LDB2: variants seen among roughly 807,000 people sequenced by gnomAD.
The protein encoded by LDB2 is LIM domain binding 2.
LDB2 carries 12 observed loss-of-function variants against 44.3 expected under a neutral mutation model. The ratio of observed to expected loss-of-function variants is 0.27; its 90% CI spans 0.17 to 0.44. The LOEUF (loss-of-function observed/expected upper bound fraction) is 0.44, where lower values mean the gene tolerates loss of function less well. Among genes scored for constraint, LDB2 ranks in the 20% least tolerant of loss-of-function variants. The pLI is 1.00. For synonymous variants in LDB2, 164 were observed against 174.8 expected, an observed-to-expected ratio of 0.94 and a Z score of 0.49; for missense variants, 344 against 473.5, an observed-to-expected ratio of 0.73 and a Z score of 2.54.
chr4:16,796,586 A>G (rs554960923), intron 1 of LDB2, among the ~76,000 whole-genome samples: 5 of 152,272 alleles, frequency 3.3e-5, no homozygotes, highest in African/African-American at 1.2e-4. Context: ...TTGCAAGGAG[A>G]TGGAGCCTCC....
At chr4:16,592,683 A>AT (rs1719554545) in intron 3 of LDB2, among the ~76,000 whole-genome samples, 1 of 151,970 alleles carries the variant, frequency 6.6e-6, no homozygotes. Context: ...GTGCATTTCC[A>AT]TGGTACTTCT....
At chr4:16,737,086 G>A (rs1407926994) in intron 2 of LDB2, among the ~76,000 whole-genome samples, 5 of 152,156 alleles carry the variant, frequency 3.3e-5, no homozygotes, top group South Asian at 4.1e-4. Context: ...AACTGCTGCT[G>A]CTAAGAGTAA....
chr4:16,872,040 T>TA (rs1220852475), intron 1 of LDB2, among the ~76,000 whole-genome samples: 1 of 152,146 alleles, frequency 6.6e-6, no homozygotes, highest in Non-Finnish European at 1.5e-5. Context: ...GAATTTATAA[T>TA]AAAAAATATT....
At chr4:16,581,292 G>A (rs545854236) in intron 5 of LDB2, 1 of 389,340 alleles carries the variant, frequency 2.6e-6, no homozygotes, top group South Asian at 1.0e-4. Flanking sequence ...GAAAATGAAG[G>A]CTCAGAGAGG....
At chr4:16,632,859 C>A (rs541778544) in intron 2 of LDB2, among the ~76,000 whole-genome samples, 127 of 152,258 alleles carry the variant, frequency 8.3e-4, no homozygotes, top group African/African-American at 2.7e-3. Context: ...TTAGTTCGAC[C>A]ATTGTGGAAG....
chr4:16,555,607 C>A (rs1560459452), intron 5 of LDB2, among the ~76,000 whole-genome samples: 1 of 152,170 alleles, frequency 6.6e-6, no homozygotes, highest in Non-Finnish European at 1.5e-5. Context: ...CCCTTTCTCT[C>A]CTTTCTTGAA....
intron 1 of LDB2, among the ~76,000 whole-genome samples, chr4:16,877,534 G>A (rs1029686414): frequency 6.6e-6 from 1 of 152,182 alleles, no homozygotes; most frequent in African/African-American, 2.4e-5. Flanking sequence ...CAATACTTTT[G>A]AAGGTATTCT....
intron 1 of LDB2, among the ~76,000 whole-genome samples, chr4:16,828,193 C>T (rs778217294): frequency 4.6e-5 from 7 of 152,166 alleles, no homozygotes; most frequent in East Asian, 3.9e-4. Context: ...GGCAAACCAT[C>T]GTCTTAGGAT....
intron 2 of LDB2, among the ~76,000 whole-genome samples, chr4:16,738,088 A>G (rs949448976): frequency 1.3e-5 from 2 of 152,220 alleles, no homozygotes; most frequent in African/African-American, 4.8e-5. Flanking sequence ...AAATAAAGTG[A>G]CAGGTATAGA....
chr4:16,524,926 G>T (rs1727663335), intron 5 of LDB2, among the ~76,000 whole-genome samples: 1 of 152,174 alleles, frequency 6.6e-6, no homozygotes, highest in Non-Finnish European at 1.5e-5. Context: ...TCTTCCCAGG[G>T]ACCTGAGAGA....
intron 1 of LDB2, among the ~76,000 whole-genome samples, chr4:16,856,140 C>A (rs971079653): frequency 6.6e-6 from 1 of 152,106 alleles, no homozygotes; most frequent in Non-Finnish European, 1.5e-5. Context: ...ATATGAAAAT[C>A]CATCCACCCT....
chr4:16,568,649 C>A (rs1285940320), intron 5 of LDB2, among the ~76,000 whole-genome samples: 1 of 152,162 alleles, frequency 6.6e-6, no homozygotes, highest in Non-Finnish European at 1.5e-5. Flanking sequence ...CCCACGAACA[C>A]CCAAATCTGT....
chr4:16,545,106 G>A (rs1389047658), intron 5 of LDB2, among the ~76,000 whole-genome samples: 3 of 151,910 alleles, frequency 2.0e-5, no homozygotes, highest in African/African-American at 7.3e-5. Context: ...GGATCTGCCT[G>A]CTCTCCTTCC....
chr4:16,682,583 C>T (rs988265978), intron 2 of LDB2, among the ~76,000 whole-genome samples: 4 of 152,230 alleles, frequency 2.6e-5, no homozygotes, highest in African/African-American at 9.7e-5. Flanking sequence ...GCTGCCTCCC[C>T]ACGCCTGATG....
intron 1 of LDB2, among the ~76,000 whole-genome samples, chr4:16,759,562 G>C (rs936030998): frequency 1.3e-5 from 2 of 152,116 alleles, no homozygotes; most frequent in Non-Finnish European, 2.9e-5. Context: ...TTTGACAAAA[G>C]GGTTTGCATT....
chr4:16,879,788 TCTAA>T (rs1257280965), intron 1 of LDB2, among the ~76,000 whole-genome samples: 1 of 152,170 alleles, frequency 6.6e-6, no homozygotes, highest in African/African-American at 2.4e-5. Flanking sequence ...TCTGGAGAAT[TCTAA>T]CTAACACAGA....
intron 2 of LDB2, chr4:16,752,541 C>T (rs1765691996): frequency 7.9e-6 from 3 of 378,048 alleles, no homozygotes; most frequent in Non-Finnish European, 1.5e-5. Flanking sequence ...ATAATGGGAA[C>T]TCCATGGTAA....
At chr4:16,701,938 C>A (rs1256266817) in intron 2 of LDB2, among the ~76,000 whole-genome samples, 3 of 152,186 alleles carry the variant, frequency 2.0e-5, no homozygotes, top group Non-Finnish European at 4.4e-5. Flanking sequence ...ATCACTATTA[C>A]TATTGTTATT....
intron 2 of LDB2, among the ~76,000 whole-genome samples, chr4:16,663,555 T>A (rs1229083424): frequency 6.6e-6 from 1 of 152,154 alleles, no homozygotes; most frequent in Non-Finnish European, 1.5e-5. Context: ...GCAAATATAA[T>A]TTGGATGGTT....
Sources: allele counts gnomAD v4.1 joint callset (sites outside exome capture counted in the v4.1 genomes callset), GRCh38; gene constraint gnomAD v4.1.1; transcripts MANE v1.5; gene names NCBI Gene and HGNC (gene_info 2026-07-23, HGNC 2026-07-21).